RBFOX1: variants seen among roughly 807,000 people sequenced by gnomAD.
The protein encoded by RBFOX1 is RNA binding protein fox-1 homolog 1.
Under a neutral mutation model 57.7 loss-of-function variants are expected in RBFOX1, and 8 were observed. The ratio of observed to expected loss-of-function variants is 0.14; its 90% CI spans 0.08 to 0.25. RBFOX1 has a LOEUF of 0.25. RBFOX1 is among the 10% of genes least tolerant of loss of function. The pLI is 1.00. For synonymous variants in RBFOX1, 326 were observed against 222.4 expected, an observed-to-expected ratio of 1.47 and a Z score of -4.15; for missense variants, 611 against 548.5, an observed-to-expected ratio of 1.11 and a Z score of -1.14.
At chr16:7,316,820 G>A (rs1568177769) in intron 4 of RBFOX1, among the ~76,000 whole-genome samples, 1 of 152,036 alleles carries the variant, frequency 6.6e-6, no homozygotes. Flanking sequence ...GCTTGCCTAG[G>A]TGTCTTTAAG....
At chr16:7,053,296 C>T (rs111956593) in intron 4 of RBFOX1, among the ~76,000 whole-genome samples, 3 of 152,210 alleles carry the variant, frequency 2.0e-5, no homozygotes, top group East Asian at 3.9e-4. Context: ...CCCTCTCTAC[C>T]CACTTTCCTC....
chr16:5,705,064 T>C (rs982650088), intron 3 of RBFOX1, among the ~76,000 whole-genome samples: 3 of 152,138 alleles, frequency 2.0e-5, no homozygotes, highest in African/African-American at 4.8e-5. Flanking sequence ...AAATCAAATA[T>C]GTAACCACAC....
At position 7,277,435 on chromosome 16, in the gene RBFOX1, C is replaced by T. The variant is rs184997969; in HGVS notation, c.27+225337C>T. ...GGAATGTTGTACATTCTCTGTGCCA[C>T]CAGAAGAAAGCTATTCTAATAATCA... On this transcript the variant is annotated intron_variant, in intron 4 of 15. Coordinates refer to ENST00000550418, the MANE Select transcript of RBFOX1 (RefSeq NM_018723.4). Among the ~76,000 whole-genome samples, 8 of 152,232 alleles carry T rather than the reference C, an allele frequency of 5.3e-5. No homozygotes were observed. In the East Asian group the frequency reaches 9.6e-4, roughly 18 times the overall value.
chr16:5,784,830 C>T (rs1290109671), intron 3 of RBFOX1, among the ~76,000 whole-genome samples: 1 of 152,104 alleles, frequency 6.6e-6, no homozygotes, highest in East Asian at 1.9e-4. Flanking sequence ...CATCTATGAA[C>T]CAGGAGGTAA....
chr16:6,526,231 A>G (rs56846080), intron 2 of RBFOX1, among the ~76,000 whole-genome samples: 2,161 of 152,318 alleles, frequency 0.014, 56 homozygotes, highest in African/African-American at 0.049. Flanking sequence ...GCTCACCCCA[A>G]TGTTTCTGCC....
At chr16:7,459,932 T>C (rs1415694154) in intron 4 of RBFOX1, among the ~76,000 whole-genome samples, 1 of 152,170 alleles carries the variant, frequency 6.6e-6, no homozygotes, top group East Asian at 1.9e-4. Flanking sequence ...AATTATGTTT[T>C]AATAGTTTAT....
At chr16:5,725,270 G>C (rs113175689) in intron 3 of RBFOX1, among the ~76,000 whole-genome samples, 3 of 152,030 alleles carry the variant, frequency 2.0e-5, no homozygotes, top group Admixed American at 6.6e-5. Flanking sequence ...AAGAGACAGG[G>C]TCTTGCTCTG....
At chr16:5,405,247 A>G (rs2066833319) in intron 1 of RBFOX1, among the ~76,000 whole-genome samples, 1 of 152,176 alleles carries the variant, frequency 6.6e-6, no homozygotes, top group East Asian at 1.9e-4. Flanking sequence ...CCCCACCCCC[A>G]AATATAATCT....
At chr16:6,815,874 G>A (rs1413789207) in intron 3 of RBFOX1, among the ~76,000 whole-genome samples, 1 of 152,048 alleles carries the variant, frequency 6.6e-6, no homozygotes, top group African/African-American at 2.4e-5. Context: ...TGTTTGAATG[G>A]GTATAATTTA....
intron 4 of RBFOX1, among the ~76,000 whole-genome samples, chr16:7,409,959 C>T (rs1780768474): frequency 6.6e-6 from 1 of 152,162 alleles, no homozygotes. Context: ...GCTGACATTT[C>T]TCTAACAGTG....
intron 3 of RBFOX1, among the ~76,000 whole-genome samples, chr16:6,959,713 G>T (rs899675351): frequency 1.3e-5 from 2 of 152,110 alleles, no homozygotes; most frequent in African/African-American, 2.4e-5. Flanking sequence ...GAGGTAGGCG[G>T]ATCACCTGAG....
At chr16:6,759,810 T>C (rs9925893) in intron 3 of RBFOX1, among the ~76,000 whole-genome samples, 99,737 of 151,996 alleles carry the variant, frequency 0.66, 33,188 homozygotes, top group East Asian at 0.93. Flanking sequence ...TGAGGATGTT[T>C]ATTACTAGAT....
At chr16:6,108,609 CAGTT>C (rs2096409385) in intron 1 of RBFOX1, among the ~76,000 whole-genome samples, 1 of 152,138 alleles carries the variant, frequency 6.6e-6, no homozygotes, top group African/African-American at 2.4e-5. Flanking sequence ...AATTGTCACA[CAGTT>C]GGTGGCTTAG....
intron 4 of RBFOX1, among the ~76,000 whole-genome samples, chr16:7,147,808 G>A (rs574919230): frequency 1.3e-5 from 2 of 152,156 alleles, no homozygotes; most frequent in East Asian, 1.9e-4. Context: ...TTGGTAGAAC[G>A]ATTTATTTTT....
chr16:5,447,055 C>G (rs984646948), intron 1 of RBFOX1, among the ~76,000 whole-genome samples: 1 of 151,844 alleles, frequency 6.6e-6, no homozygotes, highest in East Asian at 1.9e-4. Flanking sequence ...AATCTCTAAG[C>G]AAACAAACCA....
Position 6,909,863 on chromosome 16 carries a change from G to A in RBFOX1, c.-15-142194G>A, listed in dbSNP as rs530019322. Among the ~76,000 whole-genome samples, 7 of 152,276 alleles carry A rather than the reference G, an allele frequency of 4.6e-5. No homozygotes were observed. In the South Asian group the frequency reaches 1.0e-3, roughly 23 times the overall value. ...GGGTGTCTGCTCGGACCACCCTCGT[G>A]TGACTGAATTTGCCTGCATATCGGT... On this transcript the variant is annotated intron_variant, in intron 3 of 15. Coordinates refer to ENST00000550418, the MANE Select transcript of RBFOX1 (RefSeq NM_018723.4).
rs760871268 is a variant in RBFOX1, at chr16:5,613,583, C to T, written c.318+14622C>T. Reference sequence around the variant, plus strand: ...CTCATTATCTGTGAGCTGATAAAGACGCCAGCATGTCAAGTTCATTTGATG... The same window carrying T: ...CTCATTATCTGTGAGCTGATAAAGATGCCAGCATGTCAAGTTCATTTGATG... On this transcript the variant is annotated intron_variant, in intron 3 of 19. Transcript: ENST00000641259. Among the ~76,000 whole-genome samples, 11 of 152,224 alleles carry T rather than the reference C, an allele frequency of 7.2e-5. No homozygotes were observed. In the South Asian group the frequency reaches 1.0e-3, roughly 14 times the overall value.
chr16:6,645,957 A>C (rs192866565), intron 2 of RBFOX1, among the ~76,000 whole-genome samples: 24 of 152,276 alleles, frequency 1.6e-4, no homozygotes, highest in African/African-American at 4.6e-4. Context: ...TGATTCTGCT[A>C]TCTGTGTGGA....
intron 3 of RBFOX1, among the ~76,000 whole-genome samples, chr16:5,861,321 C>T (rs977173000): frequency 6.6e-6 from 1 of 152,186 alleles, no homozygotes; most frequent in Non-Finnish European, 1.5e-5. Flanking sequence ...GAGCTCTAGA[C>T]AATTGAATGT....
Sources: gnomAD v4.1 joint callset for allele counts (sites outside exome capture counted in the v4.1 genomes callset) on GRCh38, gnomAD v4.1.1 for gene constraint, MANE v1.5 for transcripts, NCBI Gene and HGNC (gene_info 2026-07-23, HGNC 2026-07-21) for gene names.